KIF16B: variants seen among roughly 807,000 people sequenced by gnomAD.
KIF16B encodes the protein kinesin-like protein KIF16B.
KIF16B carries 98 observed loss-of-function variants against 156.3 expected under a neutral mutation model. That is an observed-to-expected ratio of 0.63 (90% CI 0.53 to 0.74). The LOEUF is 0.74. Among genes scored for constraint, KIF16B ranks in the 30% least tolerant of loss-of-function variants. KIF16B has a pLI of 0.00. For synonymous variants in KIF16B, 564 were observed against 583.7 expected (o/e 0.97, Z 0.49); for missense variants, 1,421 against 1,606.5 (o/e 0.88, Z 1.97).
intron 1 of KIF16B, among the ~76,000 whole-genome samples, chr20:16,532,940 C>T (rs1453991433): frequency 2.4e-4 from 36 of 152,146 alleles, no homozygotes; most frequent in Non-Finnish European, 8.8e-5. Context: ...TTAAAGGGCC[C>T]TCCACATGAT....
chr20:16,293,668 G>A (rs932358856), intron 25 of KIF16B, among the ~76,000 whole-genome samples: 5 of 152,162 alleles, frequency 3.3e-5, no homozygotes, highest in African/African-American at 1.2e-4. Context: ...AGGGAGCTGC[G>A]GTGTGGCTCA....
intron 24 of KIF16B, among the ~76,000 whole-genome samples, chr20:16,324,249 T>C (rs1252144911): frequency 6.6e-6 from 1 of 151,914 alleles, no homozygotes; most frequent in African/African-American, 2.4e-5. Context: ...TTTTCTTTGG[T>C]CTCATCTAGA....
At chr20:16,463,861 T>G (rs767119329) in intron 12 of KIF16B, among the ~76,000 whole-genome samples, 1 of 152,214 alleles carries the variant, frequency 6.6e-6, no homozygotes, top group East Asian at 1.9e-4. Flanking sequence ...ATTAAAAATA[T>G]TTTTTAATGA....
chr20:16,506,524 C>T (rs1395862352), intron 7 of KIF16B, among the ~76,000 whole-genome samples: 1 of 152,176 alleles, frequency 6.6e-6, no homozygotes, highest in African/African-American at 2.4e-5. Flanking sequence ...TTTTTATTCT[C>T]ATCTAGAATC....
intron 24 of KIF16B, among the ~76,000 whole-genome samples, chr20:16,329,798 A>C (rs888693448): frequency 6.6e-6 from 1 of 152,208 alleles, no homozygotes; most frequent in African/African-American, 2.4e-5. Flanking sequence ...GAAACTGCTA[A>C]GATTAAAGAA....
chr20:16,280,899 C>T, intron 25 of KIF16B, among the ~76,000 whole-genome samples: 1 of 146,424 alleles, frequency 6.8e-6, no homozygotes, highest in South Asian at 2.2e-4. Flanking sequence ...GAATTTGGGC[C>T]TTCAGATGCC....
chr20:16,508,152 G>T (rs767255818), intron 6 of KIF16B, 52 bp from the exon 7 acceptor site: 27 of 1,586,748 alleles, frequency 1.7e-5, no homozygotes, highest in Middle Eastern at 1.7e-4. Flanking sequence ...TATAGGAAAT[G>T]GAATACAAAA....
rs2123347281 is a variant in KIF16B, at chr20:16,374,307, G to A, written c.3300C>T (p.Ser1100=). The A allele has an allele frequency of 1.2e-6, 2 of 1,603,836 alleles. No homozygotes were observed. Among genetic ancestry groups the A allele is most frequent in the Non-Finnish European group, 1.7e-6 (2 of 1,173,696 alleles). Reference sequence around the variant, plus strand: ...GTGATTTTTCAGCACTGACTGGCAAGCTGGAAGAAGCCACCTTCCCTTCCA... The same window carrying A: ...GTGATTTTTCAGCACTGACTGGCAAACTGGAAGAAGCCACCTTCCCTTCCA... The part of the protein sequence containing the change: ...GTLEGKVASS[S]LPVSAEKSHL... Residue 1100 remains serine, a synonymous_variant, in exon 20 of 26, where the codon AGC becomes AGT. Transcript: ENST00000354981.
intron 24 of KIF16B, among the ~76,000 whole-genome samples, chr20:16,328,096 G>T (rs73234373): frequency 0.04 from 6,027 of 152,194 alleles, 388 homozygotes; most frequent in African/African-American, 0.14. Context: ...GTGAGAAATG[G>T]TTCATCAGCA....
intron 23 of KIF16B, among the ~76,000 whole-genome samples, chr20:16,339,033 G>A (rs76473063): frequency 0.016 from 2,361 of 152,218 alleles, 61 homozygotes; most frequent in African/African-American, 0.052. Context: ...AAGGCAAGTC[G>A]AAATGGGAGT....
chr20:16,411,528 CT>C (rs1182430922), intron 15 of KIF16B, among the ~76,000 whole-genome samples: 1 of 151,948 alleles, frequency 6.6e-6, no homozygotes, highest in African/African-American at 2.4e-5. Context: ...AGCTGCAGAC[CT>C]TTCTGACATG....
chr20:16,323,956 C>A (rs2122818440), intron 24 of KIF16B, among the ~76,000 whole-genome samples: 1 of 151,758 alleles, frequency 6.6e-6, no homozygotes, highest in Non-Finnish European at 1.5e-5. Context: ...TCTCATTTTC[C>A]CCAAAGCCCG....
At chr20:16,456,661 C>T (rs2067220425) in intron 12 of KIF16B, among the ~76,000 whole-genome samples, 1 of 152,130 alleles carries the variant, frequency 6.6e-6, no homozygotes, top group African/African-American at 2.4e-5. Flanking sequence ...CAGATTGGAC[C>T]TTAAGTAGTC....
Position 16,379,460 on chromosome 20 carries a change from C to CT in KIF16B, c.2541dup (p.Asp848ArgfsTer20). ...TCTTGGACTTCTTTTTTCAGGATGT[C>CT]TTTCTGCTGAACCAGGTCCTTCTCC... On this transcript the variant is annotated frameshift_variant, in exon 19 of 26. Transcript: ENST00000354981. LOFTEE classifies it high-confidence loss of function. 1 of 1,613,972 alleles carries CT rather than the reference C, an allele frequency of 6.2e-7. No individual in the cohort carries two copies. The highest frequency in any genetic ancestry group is 1.1e-5 in the South Asian group (1 of 91,070).
chr20:16,565,983 G>A (rs528097511), intron 1 of KIF16B, among the ~76,000 whole-genome samples: 16 of 152,238 alleles, frequency 1.1e-4, no homozygotes, highest in Non-Finnish European at 2.4e-4. Flanking sequence ...TACACAAACA[G>A]GAAAAAGACT....
intron 24 of KIF16B, among the ~76,000 whole-genome samples, chr20:16,320,567 C>T (rs2063758962): frequency 6.6e-6 from 1 of 152,142 alleles, no homozygotes; most frequent in South Asian, 2.1e-4. Context: ...AATAACAACA[C>T]AAAATAAAAT....
intron 1 of KIF16B, among the ~76,000 whole-genome samples, chr20:16,544,796 T>C (rs2070343079): frequency 6.6e-6 from 1 of 152,048 alleles, no homozygotes; most frequent in South Asian, 2.1e-4. Flanking sequence ...AAAGATGATG[T>C]CCTGCTCTTC....
chr20:16,369,547 A>G (rs1299494545), intron 22 of KIF16B, among the ~76,000 whole-genome samples: 2 of 152,168 alleles, frequency 1.3e-5, no homozygotes, highest in East Asian at 1.9e-4. Flanking sequence ...TCTTGATCTA[A>G]TATTTCATTT....
At chr20:16,505,956 C>G (rs761970327) in intron 8 of KIF16B, 66 bp downstream of exon 8, 102 of 1,606,000 alleles carry the variant, frequency 6.4e-5, no homozygotes, top group Non-Finnish European at 4.3e-5. Flanking sequence ...CAGTTTGCAA[C>G]CCAAATATTA....
Sources: allele counts gnomAD v4.1 joint callset (sites outside exome capture counted in the v4.1 genomes callset), GRCh38; gene constraint gnomAD v4.1.1; transcripts MANE v1.5; gene names NCBI Gene and HGNC (gene_info 2026-07-23, HGNC 2026-07-21).